Variants in ARHGAP24 observed in about 807,000 individuals in gnomAD.
ARHGAP24 encodes the protein rho GTPase-activating protein 24.
ARHGAP24 carries 50 observed loss-of-function variants against 76.4 expected under a neutral mutation model. The ratio of observed to expected loss-of-function variants is 0.65; its 90% CI spans 0.52 to 0.83. ARHGAP24 has a LOEUF of 0.83. Ranked by LOEUF, ARHGAP24 falls within the 40% of genes least tolerant of loss-of-function variation. The pLI, the probability that ARHGAP24 is intolerant of heterozygous loss-of-function variation, is 0.00. For missense variants in ARHGAP24, 930 were observed against 914.2 expected (o/e 1.02, Z -0.22); for synonymous variants, 345 against 323.3 (o/e 1.07, Z -0.72).
intron 2 of ARHGAP24, among the ~76,000 whole-genome samples, chr4:85,607,017 G>T (rs6849280): frequency 0.54 from 81,692 of 152,080 alleles, 23,143 homozygotes; most frequent in Non-Finnish European, 0.64. Flanking sequence ...TTATGAAAGG[G>T]CTTTGCAAAT....
intron 1 of ARHGAP24, among the ~76,000 whole-genome samples, chr4:85,547,011 A>G (rs1221570115): frequency 2.0e-5 from 3 of 152,242 alleles, no homozygotes; most frequent in Non-Finnish European, 4.4e-5. Context: ...TTTCCAAAGA[A>G]CAAGTACAAT....
At chr4:85,851,012 T>C (rs1010134812) in intron 3 of ARHGAP24, among the ~76,000 whole-genome samples, 1 of 152,186 alleles carries the variant, frequency 6.6e-6, no homozygotes, top group African/African-American at 2.4e-5. Flanking sequence ...CTTGTTAACC[T>C]TCTGTCTCGT....
chr4:85,965,333 C>T (rs1382183636), intron 5 of ARHGAP24, among the ~76,000 whole-genome samples: 1 of 152,058 alleles, frequency 6.6e-6, no homozygotes, highest in African/African-American at 2.4e-5. Flanking sequence ...AAGACCAGCC[C>T]CCATGATTCG....
At chr4:85,967,913 G>T (rs1003755426) in intron 5 of ARHGAP24, among the ~76,000 whole-genome samples, 7 of 152,072 alleles carry the variant, frequency 4.6e-5, no homozygotes, top group African/African-American at 1.7e-4. Flanking sequence ...CACATGTGCA[G>T]GTTATATTTA....
intron 3 of ARHGAP24, among the ~76,000 whole-genome samples, chr4:85,849,697 T>G (rs1465880075): frequency 6.6e-6 from 1 of 152,194 alleles, no homozygotes; most frequent in African/African-American, 2.4e-5. Flanking sequence ...CTGCGTCTAT[T>G]GAGATAATCA....
At chr4:85,604,825 A>T (rs4693714) in intron 2 of ARHGAP24, among the ~76,000 whole-genome samples, 1 of 150,616 alleles carries the variant, frequency 6.6e-6, no homozygotes, top group Non-Finnish European at 1.5e-5. Context: ...TGATCTGCCC[A>T]CATTGGCCTC....
At chr4:85,587,929 C>T (rs1727926869) in intron 2 of ARHGAP24, among the ~76,000 whole-genome samples, 1 of 152,076 alleles carries the variant, frequency 6.6e-6, no homozygotes, top group Non-Finnish European at 1.5e-5. Context: ...ACTAGACAGA[C>T]AATACTGGTG....
intron 3 of ARHGAP24, among the ~76,000 whole-genome samples, chr4:85,882,019 T>G (rs1463343608): frequency 6.6e-6 from 1 of 152,182 alleles, no homozygotes; most frequent in African/African-American, 2.4e-5. Context: ...CAAAGAAACC[T>G]TTTAAATATT....
intron 3 of ARHGAP24, 91 bp from the exon 4 acceptor site, chr4:85,923,557 G>T (rs1316462423): frequency 3.3e-5 from 52 of 1,565,704 alleles, no homozygotes; most frequent in Non-Finnish European, 8.7e-7. Flanking sequence ...GCTGTATTAG[G>T]CACAGTCTCT....
chr4:85,778,578 T>G, intron 3 of ARHGAP24: 218 of 780,968 alleles, frequency 2.8e-4, no homozygotes, highest in Middle Eastern at 6.6e-4. Flanking sequence ...AAGGTCCTGA[T>G]GAGCTTTCTA....
intron 2 of ARHGAP24, among the ~76,000 whole-genome samples, chr4:85,639,451 G>A (rs1423930182): frequency 3.3e-5 from 5 of 152,034 alleles, no homozygotes; most frequent in African/African-American, 1.2e-4. Flanking sequence ...AAGAAGAATA[G>A]GATTTGGATC....
intron 5 of ARHGAP24, among the ~76,000 whole-genome samples, chr4:85,955,222 C>T (rs1171005121): frequency 6.6e-6 from 1 of 151,796 alleles, no homozygotes; most frequent in East Asian, 1.9e-4. Context: ...CCATGCTCCC[C>T]CCGCCTACCC....
chr4:85,821,343 T>C (rs992605346), intron 3 of ARHGAP24, among the ~76,000 whole-genome samples: 1 of 152,212 alleles, frequency 6.6e-6, no homozygotes. Flanking sequence ...TTCTTAATGA[T>C]AACATATAAT....
intron 1 of ARHGAP24, among the ~76,000 whole-genome samples, chr4:85,478,903 T>A (rs1722705698): frequency 6.6e-6 from 1 of 152,230 alleles, no homozygotes; most frequent in Non-Finnish European, 1.5e-5. Flanking sequence ...ATTGTTGCAA[T>A]AATTTTTATG....
chr4:85,536,095 C>T (rs1030509865), intron 1 of ARHGAP24, among the ~76,000 whole-genome samples: 1 of 151,884 alleles, frequency 6.6e-6, no homozygotes, highest in African/African-American at 2.4e-5. Context: ...ATGTGTCAGA[C>T]ACTGTTTCAG....
chr4:85,503,840 T>C (rs1021684276), intron 1 of ARHGAP24, among the ~76,000 whole-genome samples: 1 of 152,250 alleles, frequency 6.6e-6, no homozygotes, highest in African/African-American at 2.4e-5. Flanking sequence ...TCCTGCTTTC[T>C]CTTGTGGGCA....
chr4:85,787,233 G>T (rs898132368), intron 3 of ARHGAP24, among the ~76,000 whole-genome samples: 1 of 152,136 alleles, frequency 6.6e-6, no homozygotes, highest in African/African-American at 2.4e-5. Context: ...TTCCCTTTTG[G>T]TAAAATATTC....
chr4:85,774,189 A>G (rs1727227934), intron 3 of ARHGAP24, among the ~76,000 whole-genome samples: 1 of 152,126 alleles, frequency 6.6e-6, no homozygotes, highest in African/African-American at 2.4e-5. Flanking sequence ...ATTATCCAAC[A>G]ATATGTTTGA....
chr4:85,853,496 A>C (rs1198367366), intron 3 of ARHGAP24, among the ~76,000 whole-genome samples: 1 of 152,134 alleles, frequency 6.6e-6, no homozygotes, highest in East Asian at 1.9e-4. Context: ...CTGTCCAACC[A>C]GTCCCAATGA....
Sources: allele counts gnomAD v4.1 joint callset (sites outside exome capture counted in the v4.1 genomes callset), GRCh38; gene constraint gnomAD v4.1.1; transcripts MANE v1.5; gene names NCBI Gene and HGNC (gene_info 2026-07-23, HGNC 2026-07-21).